Variants in MCM8 observed in about 807,000 individuals in gnomAD.
MCM8 encodes minichromosome maintenance 8 homologous recombination repair factor.
MCM8 carries 85 observed loss-of-function variants against 98.9 expected under a neutral mutation model. That is an observed-to-expected ratio of 0.86 (90% confidence interval 0.72 to 1.03). The LOEUF is 1.03. Ranked by LOEUF, MCM8 falls within the 50% of genes least tolerant of loss-of-function variation. MCM8 has a pLI of 0.00. For synonymous variants in MCM8, 352 were observed against 338.6 expected (o/e 1.04, Z -0.44); for missense variants, 951 against 997.8 (o/e 0.95, Z 0.63).
rs762028884 is a variant in MCM8, at chr20:5,986,154, G to A, written c.2163+23G>A. On this transcript the variant is annotated intron_variant, in intron 16 of 18. Transcript: ENST00000610722. ...GAGGTTTGTTTCTTTTTATGGTCAT[G>A]CTTTTTTTGGCTTAAAGGGGAAGGG... is the stretch of plus-strand genomic sequence containing the variant. 6.8e-6 allele frequency: 11 copies of A among 1,609,920 alleles called. No homozygotes were observed. In the South Asian group the frequency reaches 1.1e-4, roughly 16 times the overall value.
intron 7 of MCM8, among the ~76,000 whole-genome samples, chr20:5,961,029 A>G (rs558255623): frequency 1.3e-5 from 2 of 152,330 alleles, no homozygotes; most frequent in East Asian, 1.9e-4. Context: ...TTTGTTTTTT[A>G]TCTTTAGATC....
chr20:5,985,810 C>T (rs1266481616), intron 15 of MCM8, 112 bp from the exon 16 acceptor site: 24 of 1,026,662 alleles, frequency 2.3e-5, no homozygotes, highest in Middle Eastern at 3.0e-4. Context: ...CCTCCCAAAG[C>T]GCAGGGATTA....
intron 17 of MCM8, among the ~76,000 whole-genome samples, chr20:5,989,943 T>C (rs147653383): frequency 6.6e-6 from 1 of 152,370 alleles, no homozygotes; most frequent in East Asian, 1.9e-4. Context: ...TTTTTATTGG[T>C]GGCACCAAAG....
chr20:5,971,244 C>T (rs2089395720), intron 10 of MCM8, among the ~76,000 whole-genome samples: 1 of 152,214 alleles, frequency 6.6e-6, no homozygotes, highest in Non-Finnish European at 1.5e-5. Flanking sequence ...TATTATACCT[C>T]TCTGGCATTA....
intron 14 of MCM8, among the ~76,000 whole-genome samples, chr20:5,983,912 AC>A (rs2089679950): frequency 1.3e-5 from 2 of 152,202 alleles, no homozygotes; most frequent in South Asian, 4.1e-4. Context: ...CATTGGAAAC[AC>A]CTTAAAACTA....
chr20:5,963,978 G>C (rs554793155), intron 8 of MCM8, among the ~76,000 whole-genome samples: 1 of 152,180 alleles, frequency 6.6e-6, no homozygotes, highest in Admixed American at 6.5e-5. Flanking sequence ...AAGCAAAGCT[G>C]TGTGCTTCAT....
At chr20:5,959,344 A>G (rs191179464) in intron 7 of MCM8, among the ~76,000 whole-genome samples, 2 of 152,250 alleles carry the variant, frequency 1.3e-5, no homozygotes, top group East Asian at 3.9e-4. Flanking sequence ...CCTAGATGCA[A>G]CCACTATGCT....
chr20:5,987,339 G>C lies in MCM8; in HGVS notation c.2221G>C (p.Val741Leu). 6.2e-7 allele frequency: 1 copy of C among 1,612,422 alleles called. No individual in the cohort carries two copies. Among genetic ancestry groups the C allele is most frequent in the Admixed American group, 1.7e-5 (1 of 59,684 alleles). ...EATKEDAEDIVEIMKYSMLGT... is the reference protein window; with the variant it reads ...EATKEDAEDILEIMKYSMLGT... Reference sequence around the variant, plus strand: ...AACCAAAGAAGACGCTGAGGATATAGTGGAAATTATGAAATATAGGTAAGA... The same window carrying C: ...AACCAAAGAAGACGCTGAGGATATACTGGAAATTATGAAATATAGGTAAGA... Residue 741 changes from valine to leucine, a missense_variant, in exon 17 of 19, where the codon GTG becomes CTG. Transcript: ENST00000610722.
intron 15 of MCM8, 151 bp from the exon 16 acceptor site, chr20:5,985,771 C>A (rs1369212511): frequency 2.9e-6 from 2 of 690,112 alleles, no homozygotes; most frequent in African/African-American, 1.8e-5. Flanking sequence ...GTCTTGAACT[C>A]CTGACCTCAG....
intron 11 of MCM8, 31 bp from the exon 12 acceptor site, chr20:5,973,025 T>C: frequency 1.2e-6 from 2 of 1,610,914 alleles, no homozygotes; most frequent in Middle Eastern, 1.7e-4. Context: ...TTTTCCTTAC[T>C]TCTGTTTTTT....
At position 5,982,164 on chromosome 20, in the gene MCM8, C is replaced by T. The variant is rs148284043; in HGVS notation, c.1538-806C>T. On this transcript the variant is annotated intron_variant, in intron 13 of 18. Coordinates refer to ENST00000610722, the MANE Select transcript of MCM8 (RefSeq NM_032485.6). Reference sequence around the variant, plus strand: ...TGTCTATTGCACAAGTTATTGGGGACTCTCTAACATTAGTTTACAATATTT... The same window carrying T: ...TGTCTATTGCACAAGTTATTGGGGATTCTCTAACATTAGTTTACAATATTT... Among the ~76,000 whole-genome samples, 28 of 152,268 alleles carry T rather than the reference C, an allele frequency of 1.8e-4. No individual in the cohort carries two copies. In the East Asian group the frequency reaches 5.4e-3, roughly 30 times the overall value.
chr20:5,961,580 G>A (rs180979289), intron 7 of MCM8, among the ~76,000 whole-genome samples: 14 of 152,248 alleles, frequency 9.2e-5, no homozygotes, highest in Admixed American at 5.9e-4. Context: ...TTGGCTTAAG[G>A]TTCAAGGTAT....
intron 17 of MCM8, among the ~76,000 whole-genome samples, chr20:5,991,669 A>G (rs2089855287): frequency 1.3e-5 from 2 of 152,158 alleles, no homozygotes; most frequent in Admixed American, 1.3e-4. Flanking sequence ...TAGATTATGA[A>G]TTATCTGTTT....
At position 5,977,205 on chromosome 20, in the gene MCM8, C is replaced by T. The variant is rs576193874; in HGVS notation, c.1396-671C>T. Among the ~76,000 whole-genome samples, 128 of 152,290 alleles carry T rather than the reference C, an allele frequency of 8.4e-4. 1 individual carries two copies. The South Asian group carries it at 0.018, about 22-fold the overall frequency. ...CCCCTAGAATTGGGCAGTGCACTGC[C>T]ATACACGGCAGTTTTACATTGGGCA... On this transcript the variant is annotated intron_variant, in intron 12 of 18. Coordinates refer to ENST00000610722, the MANE Select transcript of MCM8 (RefSeq NM_032485.6).
At chr20:5,981,752 G>T (rs1023918199) in intron 13 of MCM8, among the ~76,000 whole-genome samples, 1 of 152,164 alleles carries the variant, frequency 6.6e-6, no homozygotes, top group East Asian at 1.9e-4. Flanking sequence ...AGACCTCACT[G>T]TAGACAAAAT....
intron 1 of MCM8, among the ~76,000 whole-genome samples, chr20:5,951,308 AT>A (rs2088815368): frequency 6.6e-6 from 1 of 152,152 alleles, no homozygotes; most frequent in Non-Finnish European, 1.5e-5. Flanking sequence ...ATAATGTGTA[AT>A]GCCTAATTAT....
Position 5,986,010 on chromosome 20 carries a change from T to C in MCM8, c.2042T>C (p.Leu681Pro). ...GYARQYVYPRLSTEAARVLQD... is the reference protein window; with the variant it reads ...GYARQYVYPRPSTEAARVLQD... Reference sequence around the variant, plus strand: ...GCTCGGCAGTATGTGTACCCAAGGCTATCCACAGAAGCTGCTCGAGTTCTT... The same window carrying C: ...GCTCGGCAGTATGTGTACCCAAGGCCATCCACAGAAGCTGCTCGAGTTCTT... The change falls in exon 16 of 19, where the codon CTA becomes CCA. Residue 681 changes from leucine to proline, a missense_variant. Coordinates refer to ENST00000610722, the MANE Select transcript of MCM8 (RefSeq NM_032485.6). 6.2e-7 allele frequency: 1 copy of C among 1,614,238 alleles called. No homozygotes were observed. Among genetic ancestry groups the C allele is most frequent in the Non-Finnish European group, 8.5e-7 (1 of 1,180,030 alleles).
At chr20:5,981,139 A>C (rs952831767) in intron 13 of MCM8, among the ~76,000 whole-genome samples, 1 of 152,240 alleles carries the variant, frequency 6.6e-6, no homozygotes, top group Non-Finnish European at 1.5e-5. Flanking sequence ...CTCCTGCTTT[A>C]TACTTTGAAA....
At position 5,994,879 on chromosome 20, in the gene MCM8, C is replaced by T. The variant is rs1056905396; in HGVS notation, c.*488C>T. 29 of 227,542 alleles carry T rather than the reference C, an allele frequency of 1.3e-4. No individual in the cohort carries two copies. Among genetic ancestry groups the T allele is most frequent in the Non-Finnish European group, 2.4e-4 (26 of 110,410 alleles). The allele number at this position is 227,542 out of a possible 1,614,324, so 14.1% of individuals were successfully genotyped here. On this transcript the variant is annotated 3_prime_UTR_variant, in exon 19 of 19. Transcript: ENST00000610722. ...AGCCACAATCACACCAATCACTGCACTCCAGCCTGGGCAATAAAGTAACTC... is the reference window on the plus strand; with the variant it reads ...AGCCACAATCACACCAATCACTGCATTCCAGCCTGGGCAATAAAGTAACTC...
Sources: allele counts gnomAD v4.1 joint callset (sites outside exome capture counted in the v4.1 genomes callset), GRCh38; gene constraint gnomAD v4.1.1; transcripts MANE v1.5; gene names NCBI Gene and HGNC (gene_info 2026-07-23, HGNC 2026-07-21).